The following EPB41L4A variants were observed in gnomAD, a reference collection of about 807,000 sequenced individuals.
The protein encoded by EPB41L4A is erythrocyte membrane protein band 4.1 like 4A, also known as band 4.1-like protein 4A.
EPB41L4A carries 100 observed loss-of-function variants against 108.6 expected under a neutral mutation model. The observed-to-expected ratio is 0.92, with a 90% confidence interval of 0.78 to 1.09. EPB41L4A has a LOEUF of 1.09. EPB41L4A is among the 50% of genes least tolerant of loss of function. EPB41L4A has a pLI of 0.00. For synonymous variants in EPB41L4A, 319 were observed against 289.0 expected (o/e 1.10, Z -1.05); for missense variants, 1,030 against 842.7 (o/e 1.22, Z -2.75).
rs1490349651 is a variant in EPB41L4A, at chr5:112,303,637, A to C, written c.204+3749T>G. ...AATGAGAAGATTTCAAGAATGGGCA[A>C]GTTGTTAGTGTCAAAGCAAAAGAAA... On this transcript the variant is annotated intron_variant, in intron 2 of 22. Transcript: ENST00000261486. Among the ~76,000 whole-genome samples the C allele has an allele frequency of 2.0e-5, 3 of 152,314 alleles. No homozygotes were observed. The East Asian group carries it at 5.8e-4, about 29-fold the overall frequency.
chr5:112,185,907 T>G (rs999931065), intron 17 of EPB41L4A, among the ~76,000 whole-genome samples: 10 of 152,112 alleles, frequency 6.6e-5, no homozygotes, highest in African/African-American at 2.4e-4. Flanking sequence ...TCTGTGTTCA[T>G]GTGACAGTCA....
chr5:112,326,938 C>G (rs1332376243), intron 1 of EPB41L4A, among the ~76,000 whole-genome samples: 5 of 152,144 alleles, frequency 3.3e-5, no homozygotes, highest in African/African-American at 4.8e-5. Context: ...TGATCACCTA[C>G]CAATCACACT....
At chr5:112,252,952 G>C (rs1011099856) in intron 9 of EPB41L4A, among the ~76,000 whole-genome samples, 1 of 152,158 alleles carries the variant, frequency 6.6e-6, no homozygotes, top group Non-Finnish European at 1.5e-5. Context: ...CAGTGCTCTT[G>C]TTTCAGTGGA....
chr5:112,238,589 G>T (rs905490647), intron 11 of EPB41L4A, among the ~76,000 whole-genome samples: 6 of 152,112 alleles, frequency 3.9e-5, no homozygotes, highest in African/African-American at 1.4e-4. Flanking sequence ...GCTTGCCTTG[G>T]CTTTTTTTGT....
chr5:112,274,955 C>A (rs922325103), intron 4 of EPB41L4A, among the ~76,000 whole-genome samples: 1 of 152,186 alleles, frequency 6.6e-6, no homozygotes, highest in Non-Finnish European at 1.5e-5. Context: ...AAATACCTGG[C>A]TGGGCAAATG....
In EPB41L4A at chr5:112,164,084, G is replaced by A. The variant is rs1760081525; in HGVS notation, c.*906C>T. 1 of 152,184 alleles carries A rather than the reference G, an allele frequency of 6.6e-6. No individual in the cohort carries two copies. The highest frequency in any genetic ancestry group is 2.1e-4 in the South Asian group (1 of 4,820). 9.4% of individuals were successfully genotyped at this position (152,184 alleles called of 1,614,324 possible). On this transcript the variant is annotated 3_prime_UTR_variant, in exon 23 of 23. Coordinates refer to ENST00000261486, the MANE Select transcript of EPB41L4A (RefSeq NM_022140.5). The stretch of plus-strand genomic sequence containing the variant: ...GGTGAATTAGATGGCCAAGCAGGGT[G>A]GATGGATCATTTGAGGTTTGGGGTG...
intron 18 of EPB41L4A, among the ~76,000 whole-genome samples, chr5:112,182,692 A>G (rs1036082650): frequency 2.6e-5 from 4 of 152,224 alleles, no homozygotes; most frequent in Non-Finnish European, 5.9e-5. Context: ...TATGGTGGCA[A>G]AAGATTTACC....
chr5:112,326,322 T>A (rs1455349894), intron 1 of EPB41L4A, among the ~76,000 whole-genome samples: 1 of 151,338 alleles, frequency 6.6e-6, no homozygotes, highest in Non-Finnish European at 1.5e-5. Context: ...CATCACAGGG[T>A]TATAACTGCC....
chr5:112,314,742 G>A (rs935340716), intron 1 of EPB41L4A, among the ~76,000 whole-genome samples: 4 of 151,738 alleles, frequency 2.6e-5, no homozygotes, highest in South Asian at 4.2e-4. Context: ...GCAGTGAGCC[G>A]AGACTGCGAT....
chr5:112,308,951 C>T (rs1001340256), intron 1 of EPB41L4A, among the ~76,000 whole-genome samples: 14 of 152,140 alleles, frequency 9.2e-5, no homozygotes, highest in African/African-American at 3.1e-4. Flanking sequence ...TTAATAAAAG[C>T]AAGCACTCTT....
chr5:112,381,794 C>T (rs1760194796), intron 1 of EPB41L4A, among the ~76,000 whole-genome samples: 3 of 152,220 alleles, frequency 2.0e-5, no homozygotes, highest in East Asian at 1.9e-4. Flanking sequence ...CCCCTGTCTT[C>T]GTAAGAATCA....
At chr5:112,320,860 C>T (rs545370105) in intron 1 of EPB41L4A, among the ~76,000 whole-genome samples, 1 of 152,310 alleles carries the variant, frequency 6.6e-6, no homozygotes, top group East Asian at 1.9e-4. Flanking sequence ...GGCTCTCCAG[C>T]TTACAGGTGT....
At position 112,240,776 on chromosome 5, in the gene EPB41L4A, C is replaced by G. The variant is rs371622331; in HGVS notation, c.830G>C (p.Ser277Thr). 24 of 1,590,152 alleles carry G rather than the reference C, an allele frequency of 1.5e-5. No homozygotes were observed. In the African/African-American group the frequency reaches 3.3e-4, roughly 22 times the overall value. ...NETSFFFEARSKTACKHLWKC... is the reference protein window; with the variant it reads ...NETSFFFEARTKTACKHLWKC... ...CCAGAGGTGCTTGCAAGCAGTTTTACTCCGAGCTTCAAAAAAGAATGAGGT... is the reference window on the plus strand; with the variant it reads ...CCAGAGGTGCTTGCAAGCAGTTTTAGTCCGAGCTTCAAAAAAGAATGAGGT... The change falls in exon 10 of 23, where the codon AGT becomes ACT. Residue 277 changes from serine to threonine, a missense_variant. Physicochemically the swap from Ser to Thr is moderately conservative, Grantham distance 58 (BLOSUM62 1). Coordinates refer to ENST00000261486, the MANE Select transcript of EPB41L4A (RefSeq NM_022140.5).
rs1202033440 is a variant in EPB41L4A, at chr5:112,240,764, C to G, written c.842G>C (p.Cys281Ser). The G allele has an allele frequency of 6.3e-7, 1 of 1,586,522 alleles. No homozygotes were observed. Among genetic ancestry groups the G allele is most frequent in the Admixed American group, 1.9e-5 (1 of 51,604 alleles). ...FFFEARSKTA[C>S]KHLWKCSVEH... Reference sequence around the variant, plus strand: ...CACACTGCACTTCCAGAGGTGCTTGCAAGCAGTTTTACTCCGAGCTTCAAA... The same window carrying G: ...CACACTGCACTTCCAGAGGTGCTTGGAAGCAGTTTTACTCCGAGCTTCAAA... The change falls in exon 10 of 23, where the codon TGC becomes TCC. Residue 281 changes from cysteine (C) to serine (S), a missense_variant. Cys to Ser is a moderately radical substitution (Grantham distance 112). Coordinates refer to ENST00000261486, the MANE Select transcript of EPB41L4A (RefSeq NM_022140.5).
intron 3 of EPB41L4A, 93 bp from the exon 4 acceptor site, chr5:112,275,497 AAG>A: frequency 7.5e-7 from 1 of 1,329,628 alleles, no homozygotes; most frequent in Non-Finnish European, 1.0e-6. Context: ...ATTACACTCC[AAG>A]ATTGTCTAAA....
intron 1 of EPB41L4A, among the ~76,000 whole-genome samples, chr5:112,407,952 T>G (rs1370114127): frequency 3.9e-5 from 6 of 152,200 alleles, no homozygotes; most frequent in Non-Finnish European, 8.8e-5. Flanking sequence ...ACAGGAAATT[T>G]TTCTCAAAAT....
chr5:112,216,653 T>C (rs1480144243), intron 12 of EPB41L4A, among the ~76,000 whole-genome samples: 2 of 152,226 alleles, frequency 1.3e-5, no homozygotes, highest in Non-Finnish European at 2.9e-5. Flanking sequence ...AATAAGATTA[T>C]AGCTATTCTC....
intron 7 of EPB41L4A, among the ~76,000 whole-genome samples, chr5:112,260,844 C>G (rs1458576575): frequency 6.6e-6 from 1 of 152,166 alleles, no homozygotes; most frequent in Non-Finnish European, 1.5e-5. Context: ...TAAAGCAATA[C>G]ATTTGGAGGA....
At chr5:112,149,028 C>A (rs1168265417) in intron 12 of EPB41L4A, among the ~76,000 whole-genome samples, 2 of 152,126 alleles carry the variant, frequency 1.3e-5, no homozygotes, top group Admixed American at 6.5e-5. Context: ...AGTTAATACT[C>A]CTTCACTACT....
Sources: allele counts gnomAD v4.1 joint callset (sites outside exome capture counted in the v4.1 genomes callset), GRCh38; gene constraint gnomAD v4.1.1; transcripts MANE v1.5; gene names NCBI Gene and HGNC (gene_info 2026-07-23, HGNC 2026-07-21).